The following ATP11A variants were observed in gnomAD, a reference collection of about 807,000 sequenced individuals.
ATP11A encodes phospholipid-transporting ATPase IH.
ATP11A carries 81 observed loss-of-function variants against 154.4 expected under a neutral mutation model. The ratio of observed to expected loss-of-function variants is 0.52; its 90% confidence interval spans 0.44 to 0.63. The LOEUF is 0.63. Ranked by LOEUF, ATP11A falls within the 30% of genes least tolerant of loss-of-function variation. The pLI is 0.00. For synonymous variants in ATP11A, 623 were observed against 585.9 expected, an observed-to-expected ratio of 1.06 and a Z score of -0.91; for missense variants, 1,316 against 1,474.3, an observed-to-expected ratio of 0.89 and a Z score of 1.76.
In ATP11A at chr13:112,690,470, C is replaced by A; in HGVS notation, c.39+15C>A. 1 of 1,342,498 alleles carries A rather than the reference C, an allele frequency of 7.4e-7. No individual in the cohort carries two copies. The highest frequency in any genetic ancestry group is 9.6e-7 in the Non-Finnish European group (1 of 1,044,428). The allele number at this position is 1,342,498 out of a possible 1,614,324, so 83.2% of individuals were successfully genotyped here. A position where few individuals can be genotyped will look rare whatever the true frequency, so the allele number is the denominator to read the frequency against. On this transcript the variant is annotated intron_variant, in intron 1 of 29. Transcript: ENST00000375645. This position sits in a 1 kb window ranked among gnomAD's most constrained non-coding sequence, Gnocchi z 5.6. ...TGCACAGATACGTGAGTGCTCCCGG[C>A]GCGGGCTGGGGGACCCGGGGACCAG...
At chr13:112,804,792 CTG>C (rs1045642436) in intron 2 of ATP11A, among the ~76,000 whole-genome samples, 163 bp from the exon 3 acceptor site, 1 of 152,098 alleles carries the variant, frequency 6.6e-6, no homozygotes, top group African/African-American at 2.4e-5. Flanking sequence ...TTTGTTTAAG[CTG>C]TCTTAGCTGT....
chr13:112,805,192 G>A, intron 3 of ATP11A, 146 bp downstream of exon 3: 1 of 513,168 alleles, frequency 1.9e-6, no homozygotes, highest in South Asian at 4.3e-5. Flanking sequence ...TCTTAAGGAA[G>A]GGCAAAATGT....
chr13:112,832,731 C>G, intron 13 of ATP11A, 129 bp from the exon 14 acceptor site: 2 of 1,035,104 alleles, frequency 1.9e-6, no homozygotes, highest in East Asian at 4.8e-5. Flanking sequence ...CCCCTCACCG[C>G]CCACAAGCTG....
chr13:112,702,251 CAGG>C (rs1886640027), intron 1 of ATP11A, among the ~76,000 whole-genome samples: 1 of 149,064 alleles, frequency 6.7e-6, no homozygotes, highest in African/African-American at 2.5e-5. Flanking sequence ...GAGGCTGAGG[CAGG>C]AGAAGCGCTT....
chr13:112,857,969 T>G (rs753369306), intron 21 of ATP11A, 49 bp downstream of exon 21: 1 of 1,599,480 alleles, frequency 6.3e-7, no homozygotes, highest in South Asian at 1.1e-5. Context: ...AGGTCACCCC[T>G]TCGCTAGACA....
intron 1 of ATP11A, among the ~76,000 whole-genome samples, chr13:112,761,017 A>G (rs969414665): frequency 1.3e-5 from 2 of 152,178 alleles, no homozygotes; most frequent in Non-Finnish European, 2.9e-5. Context: ...TAACTTGTGC[A>G]CCCTTCTGGG....
At chr13:112,722,320 G>A (rs1287033716) in intron 1 of ATP11A, among the ~76,000 whole-genome samples, 1 of 151,732 alleles carries the variant, frequency 6.6e-6, no homozygotes, top group Non-Finnish European at 1.5e-5. Context: ...AGAGGGGGGC[G>A]GCCAGGGGAG....
chr13:112,806,943 T>C (rs1369456596), intron 4 of ATP11A, among the ~76,000 whole-genome samples: 1 of 152,242 alleles, frequency 6.6e-6, no homozygotes, highest in Non-Finnish European at 1.5e-5. Flanking sequence ...AAGGTTTCTC[T>C]GCATCTGAGC....
At position 112,882,331 on chromosome 13, in the gene ATP11A, C is replaced by A; in HGVS notation, c.*465C>A. On this transcript the variant is annotated 3_prime_UTR_variant, in exon 30 of 30. Transcript: ENST00000375645. This position sits in a 1 kb window ranked among gnomAD's most constrained non-coding sequence, Gnocchi z 5.1. ...ACCTGCCATCATTGGCCTTTGCTGT[C>A]ACTGGGAGAGAAGAGCCGTCCAGGG... The A allele has an allele frequency of 2.6e-6, 1 of 379,052 alleles. No individual in the cohort carries two copies. Among genetic ancestry groups the A allele is most frequent in the Non-Finnish European group, 4.9e-6 (1 of 202,582 alleles). 23.5% of individuals were successfully genotyped at this position (379,052 alleles called of 1,614,324 possible).
chr13:112,771,743 G>A (rs1432151442), intron 1 of ATP11A, among the ~76,000 whole-genome samples: 1 of 152,228 alleles, frequency 6.6e-6, no homozygotes, highest in Non-Finnish European at 1.5e-5. Flanking sequence ...GGGCACACAG[G>A]CTCAAGCCAC....
intron 1 of ATP11A, among the ~76,000 whole-genome samples, chr13:112,736,684 A>T (rs1186561019): frequency 6.6e-6 from 1 of 152,258 alleles, no homozygotes; most frequent in Non-Finnish European, 1.5e-5. Flanking sequence ...TACATTTTGG[A>T]AATCTGTCCC....
chr13:112,740,434 A>G (rs1891436874), intron 1 of ATP11A, among the ~76,000 whole-genome samples: 1 of 152,178 alleles, frequency 6.6e-6, no homozygotes, highest in Admixed American at 6.5e-5. Context: ...TCAGCCTCCC[A>G]AAGTGCTGGG....
chr13:112,756,647 C>T (rs1002268775), intron 1 of ATP11A, among the ~76,000 whole-genome samples: 7 of 152,252 alleles, frequency 4.6e-5, no homozygotes, highest in Non-Finnish European at 1.0e-4. Flanking sequence ...CCTGGAGAGC[C>T]TGGACGGTGT....
intron 2 of ATP11A, among the ~76,000 whole-genome samples, chr13:112,788,834 C>A (rs1037197316): frequency 2.0e-5 from 3 of 151,514 alleles, no homozygotes; most frequent in African/African-American, 7.3e-5. Context: ...GACCTGTAGA[C>A]CCCTGTGGCG....
At chr13:112,864,107 C>T (rs577875560) in intron 25 of ATP11A, among the ~76,000 whole-genome samples, 14 of 90,140 alleles carry the variant, frequency 1.6e-4, no homozygotes, top group African/African-American at 5.7e-4. Context: ...TCCATCACCA[C>T]CTGCGCAGTA....
intron 5 of ATP11A, 101 bp from the exon 6 acceptor site, chr13:112,815,982 C>T: frequency 1.3e-6 from 2 of 1,521,280 alleles, no homozygotes; most frequent in Non-Finnish European, 9.0e-7. Context: ...CCCGTGTCTT[C>T]CTGTGAATAG....
chr13:112,757,129 CTGGTGG>C (rs2076860087), intron 1 of ATP11A, among the ~76,000 whole-genome samples: 1 of 152,154 alleles, frequency 6.6e-6, no homozygotes, highest in Admixed American at 6.5e-5. Flanking sequence ...TGTAGTGTTA[CTGGTGG>C]AGCTATGCAA....
chr13:112,732,693 C>T (rs1433956977), intron 1 of ATP11A, among the ~76,000 whole-genome samples: 1 of 152,180 alleles, frequency 6.6e-6, no homozygotes. Context: ...CTCACTGCAA[C>T]CTCCCCCTCC....
intron 2 of ATP11A, among the ~76,000 whole-genome samples, chr13:112,800,645 C>T (rs754679764): frequency 3.9e-5 from 6 of 151,910 alleles, no homozygotes; most frequent in Non-Finnish European, 7.4e-5. Context: ...CTAATTCGTT[C>T]TATGAGGCCA....
Sources: allele counts gnomAD v4.1 joint callset (sites outside exome capture counted in the v4.1 genomes callset), GRCh38; gene constraint gnomAD v4.1.1; non-coding constraint Gnocchi (gnomAD v3.1); transcripts MANE v1.5; gene names NCBI Gene and HGNC (gene_info 2026-07-23, HGNC 2026-07-21).